The following SEC24D variants were observed in gnomAD, a reference collection of about 807,000 sequenced individuals.
SEC24D encodes protein transport protein Sec24D.
A neutral mutation model predicts 116.9 loss-of-function variants in SEC24D; 69 were observed. That is an observed-to-expected ratio of 0.59 (90% CI 0.49 to 0.72). The LOEUF (loss-of-function observed/expected upper bound fraction) is 0.72. Among genes scored for constraint, SEC24D ranks in the 30% least tolerant of loss-of-function variants. The probability of loss-of-function intolerance (pLI) is 0.00; values close to 1 mark genes in which losing one functional copy is unlikely to be tolerated. For synonymous variants in SEC24D, 405 were observed against 442.8 expected, an observed-to-expected ratio of 0.91 and a Z score of 1.07; for missense variants, 1,131 against 1,264.1, an observed-to-expected ratio of 0.89 and a Z score of 1.60.
At chr4:118,772,342 C>A (rs554515862) in intron 8 of SEC24D, among the ~76,000 whole-genome samples, 1 of 152,312 alleles carries the variant, frequency 6.6e-6, no homozygotes, top group East Asian at 1.9e-4. Flanking sequence ...AATCATGCTA[C>A]ATTCATTACA....
intron 8 of SEC24D, among the ~76,000 whole-genome samples, chr4:118,778,385 T>C (rs993833790): frequency 2.6e-5 from 4 of 152,228 alleles, no homozygotes; most frequent in African/African-American, 9.6e-5. Flanking sequence ...ATTTCTTGTT[T>C]TTGTTAGGTT....
chr4:118,789,187 A>C (rs2110495464), intron 8 of SEC24D, among the ~76,000 whole-genome samples: 1 of 152,334 alleles, frequency 6.6e-6, no homozygotes, highest in East Asian at 1.9e-4. Context: ...GAACCTGTGG[A>C]GCTTCATCAT....
At chr4:118,790,750 T>C (rs1331648654) in intron 8 of SEC24D, among the ~76,000 whole-genome samples, 1 of 151,530 alleles carries the variant, frequency 6.6e-6, no homozygotes, top group Non-Finnish European at 1.5e-5. Context: ...GCTAACACAA[T>C]AGCATGCTTA....
intron 8 of SEC24D, among the ~76,000 whole-genome samples, chr4:118,772,969 C>T (rs1386185455): frequency 6.6e-6 from 1 of 152,122 alleles, no homozygotes; most frequent in African/African-American, 2.4e-5. Context: ...CCTTTCTTCT[C>T]TCATTGGTCC....
At position 118,731,298 on chromosome 4, in the gene SEC24D, A is replaced by G. The variant is rs774564237; in HGVS notation, c.2868+18T>C. 2 of 1,587,834 alleles carry G rather than the reference A, an allele frequency of 1.3e-6. No homozygotes were observed. Among genetic ancestry groups the G allele is most frequent in the Admixed American group, 3.3e-5 (2 of 59,976 alleles). ...ATATTTTTCATATTACCACAAAAGC[A>G]ATGAAAATAATACTTACCATATCTG... On this transcript the variant is annotated intron_variant, in intron 21 of 22. Transcript: ENST00000280551.
Position 118,815,110 on chromosome 4 carries a change from C to T in SEC24D, c.719G>A (p.Gly240Glu), listed in dbSNP as rs1295702283. 1.9e-6 allele frequency: 3 copies of T among 1,614,158 alleles called. No individual in the cohort carries two copies. The highest frequency in any genetic ancestry group is 2.5e-6 in the Non-Finnish European group (3 of 1,180,016). Residue 240 changes from glycine (G) to glutamate (E), a missense_variant, in exon 6 of 23, where the codon GGA (glycine) becomes GAA (glutamate). Transcript: ENST00000280551. ...QMAGAQLSYP[G>E]GFPGGPAQMA... is the part of the protein sequence containing the mutation. ...CTGTGCAGGACCTCCAGGGAAGCCT[C>T]CTGGGTAAGACAGTTGTGCGCCTGC...
At chr4:118,830,034 G>A (rs527776590) in intron 2 of SEC24D, among the ~76,000 whole-genome samples, 2 of 152,340 alleles carry the variant, frequency 1.3e-5, no homozygotes, top group African/African-American at 4.8e-5. Flanking sequence ...CAGGAAGACT[G>A]AAGATTAAGG....
At chr4:118,749,297 A>G (rs1286988805) in intron 13 of SEC24D, among the ~76,000 whole-genome samples, 2 of 152,188 alleles carry the variant, frequency 1.3e-5, no homozygotes, top group East Asian at 1.9e-4. Flanking sequence ...AAAAGGACGC[A>G]TAAGAACTTT....
At chr4:118,741,699 C>T (rs529928825) in intron 15 of SEC24D, among the ~76,000 whole-genome samples, 34 of 152,242 alleles carry the variant, frequency 2.2e-4, no homozygotes, top group East Asian at 5.8e-4. Context: ...CACTGACGCA[C>T]GCATCTCATC....
intron 8 of SEC24D, among the ~76,000 whole-genome samples, chr4:118,779,466 G>T (rs1483313231): frequency 6.6e-6 from 1 of 152,308 alleles, no homozygotes; most frequent in South Asian, 2.1e-4. Flanking sequence ...CTTGAATGTG[G>T]TGGATAAGCT....
In SEC24D at chr4:118,724,371, G is replaced by A. The variant is rs1040460034; in HGVS notation, c.2959-716C>T. 3.9e-5 allele frequency among the ~76,000 whole-genome samples: 6 copies of A among 152,018 alleles called. No homozygotes were observed. In the East Asian group the frequency reaches 1.2e-3, roughly 29 times the overall value. On this transcript the variant is annotated intron_variant, in intron 22 of 22. Transcript: ENST00000280551. ...AACAGCCAGACACACATACTATTGA[G>A]CATTTAAAATGTGGCTCATCCAAAT...
intron 8 of SEC24D, among the ~76,000 whole-genome samples, chr4:118,782,141 G>T (rs1334268232): frequency 6.6e-6 from 1 of 152,212 alleles, no homozygotes; most frequent in African/African-American, 2.4e-5. Flanking sequence ...GCAAGGAGCT[G>T]CAATCCTTTG....
In SEC24D at chr4:118,752,579, T is replaced by C. The variant is rs560663444; in HGVS notation, c.1613+118A>G. On this transcript the variant is annotated intron_variant, in intron 12 of 22. Coordinates refer to ENST00000280551, the MANE Select transcript of SEC24D (RefSeq NM_014822.4). ...TAACATAAATGATAGAGTTTTATAA[T>C]CTGTGTCTTGAAACCCCCTTGCTAA... The C allele has an allele frequency of 7.5e-5, 50 of 668,280 alleles. No homozygotes were observed. The highest frequency in any genetic ancestry group is 6.6e-4 in the African/African-American group (35 of 52,880). The allele number at this position is 668,280 out of a possible 1,614,324, so 41.4% of individuals were successfully genotyped here.
chr4:118,752,215 T>A (rs1010555462), intron 12 of SEC24D, 126 bp from the exon 13 acceptor site: 26 of 615,674 alleles, frequency 4.2e-5, no homozygotes, highest in Admixed American at 6.4e-5. Flanking sequence ...CACCTATAGG[T>A]AATTTTTCCT....
chr4:118,793,394 GAGGCGGAGCTTGCAGT>G (rs982916762), intron 8 of SEC24D, among the ~76,000 whole-genome samples: 8 of 148,594 alleles, frequency 5.4e-5, no homozygotes, highest in African/African-American at 2.0e-4. Flanking sequence ...GTGAACCCGG[GAGGCGGAGCTTGCAGT>G]GAGCCGAGAT....
At chr4:118,757,690 TA>T (rs1489359738) in intron 11 of SEC24D, 30 bp downstream of exon 11, 1 of 1,593,464 alleles carries the variant, frequency 6.3e-7, no homozygotes, top group Admixed American at 1.8e-5. Flanking sequence ...CAATAATGTA[TA>T]AGTTGTAAAA....
At chr4:118,781,895 T>G (rs1348394571) in intron 8 of SEC24D, among the ~76,000 whole-genome samples, 1 of 152,236 alleles carries the variant, frequency 6.6e-6, no homozygotes, top group African/African-American at 2.4e-5. Flanking sequence ...AGCTTGTGCA[T>G]GCGTCACGTA....
chr4:118,727,791 T>C (rs1330081507), intron 22 of SEC24D, among the ~76,000 whole-genome samples: 1 of 152,112 alleles, frequency 6.6e-6, no homozygotes, highest in East Asian at 1.9e-4. Flanking sequence ...CAGATGTCAT[T>C]AGTTCAATTT....
At chr4:118,775,363 A>AAG (rs1553925899) in intron 8 of SEC24D, among the ~76,000 whole-genome samples, 2 of 151,692 alleles carry the variant, frequency 1.3e-5, no homozygotes, top group Non-Finnish European at 2.9e-5. Flanking sequence ...AAAAAAAAAA[A>AAG]AAGAAGAAAT....
Sources: gnomAD v4.1 joint callset for allele counts (sites outside exome capture counted in the v4.1 genomes callset) on GRCh38, gnomAD v4.1.1 for gene constraint, MANE v1.5 for transcripts, NCBI Gene and HGNC (gene_info 2026-07-23, HGNC 2026-07-21) for gene names.